HMGN1: variants seen among roughly 807,000 people sequenced by gnomAD.
HMGN1 encodes the protein non-histone chromosomal protein HMG-14.
Under a neutral mutation model 18.4 loss-of-function variants are expected in HMGN1, and 9 were observed. The observed-to-expected ratio is 0.49, with a 90% CI of 0.29 to 0.85. The LOEUF (loss-of-function observed/expected upper bound fraction) is 0.85, where lower values mean the gene tolerates loss of function less well. Among genes scored for constraint, HMGN1 ranks in the 40% least tolerant of loss-of-function variants. The probability of loss-of-function intolerance (pLI) is 0.07; values close to 1 mark genes in which losing one functional copy is unlikely to be tolerated. For synonymous variants in HMGN1, 59 were observed against 45.0 expected, an observed-to-expected ratio of 1.31 and a Z score of -1.24; for missense variants, 151 against 119.2, an observed-to-expected ratio of 1.27 and a Z score of -1.24.
At chr21:39,348,697 A>C in intron 1 of HMGN1, 120 bp from the exon 2 acceptor site, 1 of 1,283,018 alleles carries the variant, frequency 7.8e-7, no homozygotes, top group Non-Finnish European at 1.0e-6. Flanking sequence ...CCCCGTTCGA[A>C]TAGCCCCCTC....
intron 4 of HMGN1, chr21:39,346,921 G>A (rs2037073757): frequency 6.6e-6 from 1 of 152,224 alleles, no homozygotes; most frequent in Admixed American, 6.6e-5. Context: ...CAAACCCACT[G>A]AGAGTAAAAC....
chr21:39,348,643 C>T, intron 1 of HMGN1, 66 bp from the exon 2 acceptor site: 1 of 1,505,356 alleles, frequency 6.6e-7, no homozygotes, highest in Non-Finnish European at 8.8e-7. Flanking sequence ...CCCGCCCGGC[C>T]CCGAGAACAA....
intron 5 of HMGN1, among the ~76,000 whole-genome samples, chr21:39,343,777 C>T (rs1344632995): frequency 6.6e-6 from 1 of 152,176 alleles, no homozygotes; most frequent in Non-Finnish European, 1.5e-5. Flanking sequence ...CAATCCTGTA[C>T]TTCCCCTATG....
intron 4 of HMGN1, chr21:39,347,926 T>G: frequency 9.4e-7 from 1 of 1,062,826 alleles, no homozygotes; most frequent in Non-Finnish European, 1.1e-6. Context: ...ACGTTCCCTT[T>G]CTCCTGGCCT....
Position 39,342,801 on chromosome 21 carries a change from A to G in HMGN1, c.*311T>C, listed in dbSNP as rs2036906406. On this transcript the variant is annotated 3_prime_UTR_variant, in exon 6 of 6. Transcript: ENST00000380749. Reference sequence around the variant, plus strand: ...ATTGCCATTTAATATGCTTTGTATTATAGGATATAAAAACTAACCCCCCAT... The same window carrying G: ...ATTGCCATTTAATATGCTTTGTATTGTAGGATATAAAAACTAACCCCCCAT... 2 of 1,345,130 alleles carry G rather than the reference A, an allele frequency of 1.5e-6. No homozygotes were observed. Among genetic ancestry groups the G allele is most frequent in the Non-Finnish European group, 2.0e-6 (2 of 1,021,104 alleles). The allele number at this position is 1,345,130 out of a possible 1,614,324, so 83.3% of individuals were successfully genotyped here. A position where few individuals can be genotyped will look rare whatever the true frequency, so the allele number is the denominator to read the frequency against.
chr21:39,345,091 T>G (rs769009206), intron 5 of HMGN1, 55 bp downstream of exon 5: 2 of 1,190,290 alleles, frequency 1.7e-6, no homozygotes, highest in Admixed American at 2.7e-5. Flanking sequence ...TAGTATCTAC[T>G]GTTCAGAGTC....
Position 39,342,462 on chromosome 21 carries a change from T to C in HMGN1, c.*650A>G, listed in dbSNP as rs1475228094. On this transcript the variant is annotated 3_prime_UTR_variant, in exon 6 of 6. Coordinates refer to ENST00000380749, the MANE Select transcript of HMGN1 (RefSeq NM_004965.7). ...TTCCAGTGACTTTCCAGCTTAAAATTTGGAAGCAAATTTTCCTTAAGAGGC... is the reference window on the plus strand; with the variant it reads ...TTCCAGTGACTTTCCAGCTTAAAATCTGGAAGCAAATTTTCCTTAAGAGGC... 3 of 193,282 alleles carry C rather than the reference T, an allele frequency of 1.6e-5. No homozygotes were observed. Among genetic ancestry groups the C allele is most frequent in the South Asian group, 8.5e-5 (1 of 11,766 alleles). 12.0% of individuals were successfully genotyped at this position (193,282 alleles called of 1,614,324 possible).
intron 4 of HMGN1, chr21:39,346,105 T>C (rs1019737649): frequency 4.9e-4 from 213 of 437,320 alleles, no homozygotes; most frequent in Non-Finnish European, 6.9e-5. Context: ...TGTTAGTAAG[T>C]ATACAGCAGC....
intron 4 of HMGN1, chr21:39,347,244 T>A: frequency 1.5e-6 from 1 of 680,664 alleles, no homozygotes; most frequent in Non-Finnish European, 2.0e-6. Flanking sequence ...ACTATTCTCA[T>A]ACCTTCCGTG....
chr21:39,347,967 A>T, intron 4 of HMGN1: 5 of 1,221,636 alleles, frequency 4.1e-6, no homozygotes, highest in Non-Finnish European at 4.1e-6. Context: ...TATTGTCAAA[A>T]AAGGAAGTAC....
chr21:39,343,264 A>G lies in HMGN1; in HGVS notation c.256-105T>C, dbSNP rs1002209777. The G allele has an allele frequency of 2.7e-5, 29 of 1,081,872 alleles. No homozygotes were observed. In the Admixed American group the frequency reaches 5.0e-4, roughly 19 times the overall value. 67.0% of individuals were successfully genotyped at this position (1,081,872 alleles called of 1,614,324 possible). ...AAAGTCAATAACCTTTGTTATTTGT[A>G]AAGTCACCTACCTACTCTTGTTAAA... On this transcript the variant is annotated intron_variant, in intron 5 of 5. Transcript: ENST00000380749.
At position 39,348,574 on chromosome 21, in the gene HMGN1, T is replaced by A; in HGVS notation, c.19A>T (p.Ser7Cys). The part of the protein sequence containing the change: MPKRKV[S>C]SAEGAAKEEP... ...TCCTTGGCGGCGCCTTCGGCGGAGC[T>A]GACCTGCGGAGACGGAGACGCACGA... is the stretch of plus-strand genomic sequence containing the variant. The change falls in exon 2 of 6, where the codon AGC becomes TGC. Residue 7 changes from serine to cysteine, a missense_variant. By Grantham distance (112) the Ser-to-Cys change is moderately radical (BLOSUM62 -1). Coordinates refer to ENST00000380749, the MANE Select transcript of HMGN1 (RefSeq NM_004965.7). 1 of 1,604,914 alleles carries A rather than the reference T, an allele frequency of 6.2e-7. No individual in the cohort carries two copies. The highest frequency in any genetic ancestry group is 8.5e-7 in the Non-Finnish European group (1 of 1,175,924).
chr21:39,348,675 G>A, intron 1 of HMGN1, 98 bp from the exon 2 acceptor site: 2 of 1,400,664 alleles, frequency 1.4e-6, no homozygotes, highest in South Asian at 1.4e-5. Flanking sequence ...GTGACGTCAC[G>A]GCTTCCCGCC....
intron 4 of HMGN1, chr21:39,347,954 TTTTA>T (rs2037116731): frequency 8.6e-7 from 1 of 1,156,992 alleles, no homozygotes; most frequent in African/African-American, 1.7e-5. Context: ...ATCTTGACTC[TTTTA>T]TTGTCAAAAA....
intron 5 of HMGN1, among the ~76,000 whole-genome samples, chr21:39,343,537 G>A (rs1057006732): frequency 3.3e-5 from 5 of 152,240 alleles, no homozygotes; most frequent in South Asian, 2.1e-4. Context: ...TGGCCCCCAC[G>A]CATCTTGTTC....
rs1356972027 is a variant in HMGN1, at chr21:39,342,684, G to A, written c.*428C>T. ...GCAGAGAGAGCCATGATCAAAGAGTGGTTTTCTTTAGGAAACAATTCTACT... is the reference window on the plus strand; with the variant it reads ...GCAGAGAGAGCCATGATCAAAGAGTAGTTTTCTTTAGGAAACAATTCTACT... On this transcript the variant is annotated 3_prime_UTR_variant, in exon 6 of 6. Transcript: ENST00000380749. 6.0e-6 allele frequency: 2 copies of A among 333,098 alleles called. No individual in the cohort carries two copies. Among genetic ancestry groups the A allele is most frequent in the Non-Finnish European group, 5.8e-6 (1 of 172,162 alleles). 20.6% of individuals were successfully genotyped at this position (333,098 alleles called of 1,614,324 possible).
In HMGN1 at chr21:39,349,002, T is replaced by G; in HGVS notation, c.-85A>C. The G allele has an allele frequency of 1.7e-6, 2 of 1,201,328 alleles. No homozygotes were observed. Among genetic ancestry groups the G allele is most frequent in the Non-Finnish European group, 2.1e-6 (2 of 968,806 alleles). The allele number at this position is 1,201,328 out of a possible 1,614,324, so 74.4% of individuals were successfully genotyped here. A position where few individuals can be genotyped will look rare whatever the true frequency, so the allele number is the denominator to read the frequency against. On this transcript the variant is annotated 5_prime_UTR_variant, in exon 1 of 6. Transcript: ENST00000380749. ...GCGGGCCGCGGCGCGCCGACAGCCTTCGCGAAACTGGGCTGCCTTGCCGCT... is the reference window on the plus strand; with the variant it reads ...GCGGGCCGCGGCGCGCCGACAGCCTGCGCGAAACTGGGCTGCCTTGCCGCT...
intron 1 of HMGN1, 161 bp from the exon 2 acceptor site, chr21:39,348,738 G>T: frequency 1.8e-6 from 2 of 1,084,806 alleles, no homozygotes; most frequent in Non-Finnish European, 2.5e-6. Context: ...GTTCCAGAAC[G>T]CCCGCCCCCG....
chr21:39,342,410 A>G lies in HMGN1; in HGVS notation c.*702T>C, dbSNP rs538739286. 1 of 189,710 alleles carries G rather than the reference A, an allele frequency of 5.3e-6. No homozygotes were observed. The highest frequency in any genetic ancestry group is 9.4e-5 in the South Asian group (1 of 10,608). 11.8% of individuals were successfully genotyped at this position (189,710 alleles called of 1,614,324 possible). A position where few individuals can be genotyped will look rare whatever the true frequency, so the allele number is the denominator to read the frequency against. On this transcript the variant is annotated 3_prime_UTR_variant, in exon 6 of 6. Transcript: ENST00000380749. ...ATACGTAACGAAATTCTAAAAAGCC[A>G]TGTATTGTAATTCTTTTTTAAAGTT... is the stretch of plus-strand genomic sequence containing the variant.
Sources: allele counts gnomAD v4.1 joint callset (sites outside exome capture counted in the v4.1 genomes callset), GRCh38; gene constraint gnomAD v4.1.1; transcripts MANE v1.5; gene names NCBI Gene and HGNC (gene_info 2026-07-23, HGNC 2026-07-21).